Variants in LRP1 observed in about 807,000 individuals in gnomAD.
LRP1 encodes LDL receptor related protein 1.
Under a neutral mutation model 541.5 loss-of-function variants are expected in LRP1, and 51 were observed. The ratio of observed to expected loss-of-function variants is 0.09; its 90% CI spans 0.08 to 0.12. The LOEUF is 0.12. LRP1 is among the 10% of genes least tolerant of loss of function. LRP1 has a pLI of 1.00. For synonymous variants in LRP1, 2,219 were observed against 2,470.8 expected, an observed-to-expected ratio of 0.90 and a Z score of 3.02; for missense variants, 3,878 against 6,376.2, an observed-to-expected ratio of 0.61 and a Z score of 13.34.
rs779068872 is a variant in LRP1, at chr12:57,205,261, C to T, written c.11335+12C>T. 55 of 1,606,446 alleles carry T rather than the reference C, an allele frequency of 3.4e-5. 1 individual carries two copies. In the South Asian group the frequency reaches 5.7e-4, roughly 17 times the overall value. On this transcript the variant is annotated intron_variant, in intron 73 of 88. Transcript: ENST00000243077. The surrounding 1 kb of genome is among the most constrained non-coding windows in gnomAD (Gnocchi z 4.6). ...GGACTGCAGCATCGGTGAGGCCCGG[C>T]AGCGGACCGGACGCTGGTGGGGAGT...
intron 1 of LRP1, among the ~76,000 whole-genome samples, chr12:57,136,402 C>CT (rs879575173): frequency 2.7e-5 from 4 of 146,674 alleles, no homozygotes; most frequent in East Asian, 2.0e-4. Flanking sequence ...AGAGCCCCCC[C>CT]CCCCCGCCAT....
intron 1 of LRP1, among the ~76,000 whole-genome samples, chr12:57,137,554 G>A (rs574263229): frequency 6.6e-6 from 1 of 152,206 alleles, no homozygotes; most frequent in South Asian, 2.1e-4. Flanking sequence ...TTAGAGAATG[G>A]AGAGGACAAG....
Position 57,209,752 on chromosome 12 carries a change from T to C in LRP1, c.12323T>C (p.Ile4108Thr). The stretch of plus-strand genomic sequence containing the variant: ...GATTACATCTATGGTGTCACCTACA[T>C]CAATAATCGTGTCTTCAAGATCCAT... ...FEDYIYGVTY[I>T]NNRVFKIHKF... Residue 4108 changes from isoleucine to threonine, a missense_variant, in exon 80 of 89, where the codon ATC becomes ACC. Physicochemically the swap from Ile to Thr is moderately conservative, Grantham distance 89. This residue lies in a region of LRP1 where 871 missense variants were observed against 1,212.4 expected (regional missense o/e 0.72). Transcript: ENST00000243077. The C allele has an allele frequency of 6.2e-7, 1 of 1,614,180 alleles. No individual in the cohort carries two copies. The highest frequency in any genetic ancestry group is 8.5e-7 in the Non-Finnish European group (1 of 1,180,016).
rs2136753535 is a variant in LRP1 at position 57,208,408 on chromosome 12, G to A, written c.12038+192G>A. The A allele has an allele frequency of 9.2e-6, 6 of 649,734 alleles. No individual in the cohort carries two copies. The East Asian group carries it at 1.7e-4, about 18-fold the overall frequency. The allele number at this position is 649,734 out of a possible 1,614,324, so 40.2% of individuals were successfully genotyped here. A position where few individuals can be genotyped will look rare whatever the true frequency, so the allele number is the denominator to read the frequency against. On this transcript the variant is annotated intron_variant, in intron 77 of 88. Transcript: ENST00000243077. The stretch of plus-strand genomic sequence containing the variant: ...ATGCTGCCTCTGCCCAGGGCCCCCA[G>A]CTGGGCCTGCTTGGGCAGGGATCTG...
intron 48 of LRP1, 45 bp from the exon 49 acceptor site, chr12:57,194,309 G>A: frequency 6.7e-7 from 1 of 1,503,538 alleles, no homozygotes. Context: ...AGTCGGGGGT[G>A]ATCCAGGGGG....
Position 57,172,104 on chromosome 12 carries a change from G to C in LRP1, c.3164-1064G>C, listed in dbSNP as rs111580283. On this transcript the variant is annotated intron_variant, in intron 20 of 88. Coordinates refer to ENST00000243077, the MANE Select transcript of LRP1 (RefSeq NM_002332.3). ...AGATGGAGTCTCCCTCTGTCGCTCA[G>C]GCTGGAGTACAGTGGCGTGATCTCG... Among the ~76,000 whole-genome samples, 420 of 149,608 alleles carry C rather than the reference G, an allele frequency of 2.8e-3. 2 individuals are homozygous for C. Among genetic ancestry groups the C allele is most frequent in the Non-Finnish European group, 4.2e-3 (285 of 67,438 alleles).
chr12:57,212,397 C>T lies in LRP1; in HGVS notation c.13495-18C>T. The stretch of plus-strand genomic sequence containing the variant: ...GCCCAGCTCCTGAGCCCTACCTGAA[C>T]CCTCTGTCACCCTGCAGCCCACCAA... On this transcript the variant is annotated intron_variant, in intron 88 of 88. Coordinates refer to ENST00000243077, the MANE Select transcript of LRP1 (RefSeq NM_002332.3). This position sits in a 1 kb window ranked among gnomAD's most constrained non-coding sequence, Gnocchi z 5.0. 1 of 1,614,024 alleles carries T rather than the reference C, an allele frequency of 6.2e-7. No homozygotes were observed. Among genetic ancestry groups the T allele is most frequent in the Non-Finnish European group, 8.5e-7 (1 of 1,180,004 alleles).
chr12:57,130,143 T>C (rs1290267710), intron 1 of LRP1, among the ~76,000 whole-genome samples: 1 of 152,184 alleles, frequency 6.6e-6, no homozygotes, highest in Non-Finnish European at 1.5e-5. Context: ...TGGGCTGGGC[T>C]AGGTCCCTGA....
At chr12:57,136,865 A>T (rs1405704552) in intron 1 of LRP1, among the ~76,000 whole-genome samples, 1 of 152,174 alleles carries the variant, frequency 6.6e-6, no homozygotes, top group Non-Finnish European at 1.5e-5. Context: ...CCTATTTGTC[A>T]TACTGTGGAG....
chr12:57,155,468 C>T (rs1175044386), intron 8 of LRP1: 3 of 154,264 alleles, frequency 1.9e-5, no homozygotes, highest in Admixed American at 6.4e-5. Context: ...GTCCACAAAT[C>T]ACTGTGCCAG....
chr12:57,200,826 G>GGGGGGGGGGCC lies in LRP1; in HGVS notation c.10225+11_10225+12insGGGGGGGGGCC. The GGGGGGGGGGCC allele has an allele frequency of 1.3e-6, 2 of 1,581,362 alleles. No individual in the cohort carries two copies. The highest frequency in any genetic ancestry group is 1.7e-6 in the Non-Finnish European group (2 of 1,157,616). On this transcript the variant is annotated intron_variant, in intron 64 of 88. Transcript: ENST00000243077. ...ACGAGGCCAACTGTGGTAAGGCGCT[G>GGGGGGGGGGCC]CCCGCCCACCCTCCCTCCTTCCCCA...
rs1239964071 is a variant in LRP1 at position 57,196,073 on chromosome 12, C to T, written c.8702-14C>T. 3.1e-6 allele frequency: 5 copies of T among 1,609,498 alleles called. No homozygotes were observed. The highest frequency in any genetic ancestry group is 2.7e-5 in the African/African-American group (2 of 74,890). On this transcript the variant is annotated splice_polypyrimidine_tract_variant and intron_variant, in intron 54 of 88. Coordinates refer to ENST00000243077, the MANE Select transcript of LRP1 (RefSeq NM_002332.3). Reference sequence around the variant, plus strand: ...CTGAGACCCCGCTGACCTGCCGCCTCCGCCCCTCCGCAGAGCACAAGTGCA... The same window carrying T: ...CTGAGACCCCGCTGACCTGCCGCCTTCGCCCCTCCGCAGAGCACAAGTGCA...
intron 1 of LRP1, 70 bp downstream of exon 1, chr12:57,129,101 G>A (rs559238164): frequency 4.8e-6 from 7 of 1,458,714 alleles, no homozygotes; most frequent in African/African-American, 1.4e-5. Context: ...TCCTGCATAC[G>A]GATGGGGAAG....
intron 13 of LRP1, among the ~76,000 whole-genome samples, chr12:57,161,707 C>T (rs1276691020): frequency 6.6e-6 from 1 of 152,136 alleles, no homozygotes; most frequent in Non-Finnish European, 1.5e-5. Context: ...TGTGCCATTA[C>T]TCATGCAGTT....
Position 57,211,881 on chromosome 12 carries a change from G to C in LRP1, c.13259-46G>C, listed in dbSNP as rs758720049. 1.2e-6 allele frequency: 2 copies of C among 1,613,424 alleles called. No individual in the cohort carries two copies. Among genetic ancestry groups the C allele is most frequent in the African/African-American group, 2.7e-5 (2 of 74,874 alleles). ...AGAGCAGGGGGACCGTGTGCCTCCT[G>C]CTTCCCTGAGCCTTGGTGACTCAGT... On this transcript the variant is annotated intron_variant, in intron 86 of 88. Coordinates refer to ENST00000243077, the MANE Select transcript of LRP1 (RefSeq NM_002332.3). The surrounding 1 kb of genome is among the most constrained non-coding windows in gnomAD (Gnocchi z 4.3).
chr12:57,160,060 T>C (rs1253634043), intron 12 of LRP1, 55 bp downstream of exon 12: 3 of 1,564,054 alleles, frequency 1.9e-6, no homozygotes, highest in Admixed American at 1.7e-5. Flanking sequence ...GGGCCTCAGA[T>C]AACTGGAGGA....
In LRP1 at chr12:57,209,818, T is replaced by G; in HGVS notation, c.12389T>G (p.Leu4130Arg). ...HSPLVNLTGG[L>R]SHASDVVLYH... ...CCCTTGGTCAACCTGACAGGGGGCC[T>G]GAGCCACGCCTCTGACGTGGTCCTT... Residue 4130 changes from leucine (L) to arginine (R), a missense_variant, in exon 80 of 89, where the codon CTG (leucine) becomes CGG (arginine). Leu to Arg is a moderately radical substitution (Grantham distance 102). Transcript: ENST00000243077. The G allele has an allele frequency of 6.2e-7, 1 of 1,614,214 alleles. No individual in the cohort carries two copies.
intron 44 of LRP1, among the ~76,000 whole-genome samples, chr12:57,192,104 A>G (rs1675797840): frequency 6.7e-6 from 1 of 148,744 alleles, no homozygotes; most frequent in Non-Finnish European, 1.5e-5. Context: ...CATGCCACAC[A>G]CACACACACA....
chr12:57,154,309 G>A lies in LRP1; in HGVS notation c.943G>A (p.Val315Ile). The A allele has an allele frequency of 6.2e-7, 1 of 1,614,198 alleles. No homozygotes were observed. Among genetic ancestry groups the A allele is most frequent in the South Asian group, 1.1e-5 (1 of 91,090 alleles). The change falls in exon 7 of 89, where the codon GTC becomes ATC. Residue 315 changes from valine to isoleucine, a missense_variant. Physicochemically the swap from Val to Ile is conservative, Grantham distance 29 (BLOSUM62 3). This residue lies in a region of LRP1 where 496 missense variants were observed against 861.0 expected (regional missense o/e 0.58). Transcript: ENST00000243077. The surrounding 1 kb of genome is among the most constrained non-coding windows in gnomAD (Gnocchi z 4.6). ...CTGCAACAGAAATGGGGACACATGT[G>A]TCACATTGCTAGACCTGGAACTCTA... ...FVCNRNGDTC[V>I]TLLDLELYNP...
Sources: allele counts gnomAD v4.1 joint callset (sites outside exome capture counted in the v4.1 genomes callset), GRCh38; gene constraint gnomAD v4.1.1; regional missense constraint gnomAD v4.1.1; non-coding constraint Gnocchi (gnomAD v3.1); transcripts MANE v1.5; gene names NCBI Gene and HGNC (gene_info 2026-07-23, HGNC 2026-07-21).